ARHGAP28: variants seen among roughly 807,000 people sequenced by gnomAD.
The protein encoded by ARHGAP28 is rho GTPase-activating protein 28.
A neutral mutation model predicts 90.7 loss-of-function variants in ARHGAP28; 56 were observed. The ratio of observed to expected loss-of-function variants is 0.62; its 90% CI spans 0.50 to 0.77. ARHGAP28 has a LOEUF of 0.77. Among genes scored for constraint, ARHGAP28 ranks in the 30% least tolerant of loss-of-function variants. The probability of loss-of-function intolerance (pLI) is 0.00; values close to 1 mark genes in which losing one functional copy is unlikely to be tolerated. For missense variants in ARHGAP28, 869 were observed against 900.9 expected, an observed-to-expected ratio of 0.96 and a Z score of 0.45; for synonymous variants, 308 against 323.3, an observed-to-expected ratio of 0.95 and a Z score of 0.51.
chr18:6,890,485 T>C lies in ARHGAP28; in HGVS notation c.1790T>C (p.Leu597Ser), dbSNP rs1248202129. ...AGAATGAATGAAGCCACGATGCTAT[T>C]GAAGAAGCAGCTCCCAAGTGTCAGG... ...VRRMNEATMLLKKQLPSVRKL... is the reference protein window; with the variant it reads ...VRRMNEATMLSKKQLPSVRKL... Residue 597 changes from leucine (L) to serine (S), a missense_variant, in exon 14 of 18, where the codon TTG becomes TCG. Physicochemically the swap from Leu to Ser is moderately radical, Grantham distance 145. Coordinates refer to ENST00000383472, the MANE Select transcript of ARHGAP28 (RefSeq NM_001366230.1). 1 of 1,613,690 alleles carries C rather than the reference T, an allele frequency of 6.2e-7. No individual in the cohort carries two copies. The highest frequency in any genetic ancestry group is 8.5e-7 in the Non-Finnish European group (1 of 1,179,864).
Position 6,837,330 on chromosome 18 carries a change from C to T in ARHGAP28, c.459C>T (p.Tyr153=). The change falls in exon 3 of 18, where the codon TAC becomes TAT. Residue 153 remains tyrosine (Y), a synonymous_variant. Transcript: ENST00000383472. ...AAGCAGCTGCCGTGCAAAAGAGATA[C>T]CATACCTATACCCAAACCATGAGGA... is the stretch of plus-strand genomic sequence containing the variant. ...RTQAAAVQKR[Y]HTYTQTMRKK... 6.2e-7 allele frequency: 1 copy of T among 1,613,796 alleles called. No homozygotes were observed. Among genetic ancestry groups the T allele is most frequent in the Non-Finnish European group, 8.5e-7 (1 of 1,179,982 alleles).
At chr18:6,757,196 A>G (rs574654672) in intron 1 of ARHGAP28, among the ~76,000 whole-genome samples, 37 of 152,250 alleles carry the variant, frequency 2.4e-4, no homozygotes, top group African/African-American at 8.9e-4. Flanking sequence ...GGCAAACAGC[A>G]GTATTTTTTG....
Position 6,764,129 on chromosome 18 carries a change from A to C in ARHGAP28, c.122+34186A>C, listed in dbSNP as rs79642222. 6.2e-3 allele frequency among the ~76,000 whole-genome samples: 938 copies of C among 152,306 alleles called. 6 individuals carry two copies. Among genetic ancestry groups the C allele is most frequent in the Non-Finnish European group, 8.8e-3 (599 of 68,024 alleles). ...CATGAAAGAATGAGGTAATAATTTCAGTGAAATGAAGGGCAGTAGCTCAAT... is the reference window on the plus strand; with the variant it reads ...CATGAAAGAATGAGGTAATAATTTCCGTGAAATGAAGGGCAGTAGCTCAAT... On this transcript the variant is annotated intron_variant, in intron 1 of 17. Transcript: ENST00000383472.
chr18:6,832,268 G>A (rs2056722175), intron 2 of ARHGAP28, among the ~76,000 whole-genome samples: 1 of 151,700 alleles, frequency 6.6e-6, no homozygotes, highest in Admixed American at 6.6e-5. Context: ...ATTGTGTTAT[G>A]TAACATAGTT....
intron 17 of ARHGAP28, 50 bp downstream of exon 17, chr18:6,909,074 AAG>A: frequency 9.7e-7 from 1 of 1,028,028 alleles, no homozygotes; most frequent in Non-Finnish European, 1.5e-6. Flanking sequence ...ATTACTCTAA[AAG>A]AAATATGTTG....
At chr18:6,844,513 A>T (rs1468589350) in intron 3 of ARHGAP28, among the ~76,000 whole-genome samples, 6 of 152,230 alleles carry the variant, frequency 3.9e-5, no homozygotes, top group Non-Finnish European at 8.8e-5. Context: ...AGGTAATCAT[A>T]GCTATGGTTA....
chr18:6,804,606 T>C (rs934984950), intron 1 of ARHGAP28, among the ~76,000 whole-genome samples: 2 of 152,242 alleles, frequency 1.3e-5, no homozygotes, highest in African/African-American at 4.8e-5. Flanking sequence ...AATTTTGTTA[T>C]GGTACATTTT....
intron 3 of ARHGAP28, chr18:6,850,713 C>A (rs2056903199): frequency 2.8e-6 from 3 of 1,063,844 alleles, no homozygotes. Context: ...CACACTCAGT[C>A]TTTTTAGTTA....
At chr18:6,906,487 C>G (rs2057365460) in intron 16 of ARHGAP28, among the ~76,000 whole-genome samples, 1 of 152,136 alleles carries the variant, frequency 6.6e-6, no homozygotes, top group Non-Finnish European at 1.5e-5. Flanking sequence ...TTTGACTATT[C>G]CAGCAACTGA....
Position 6,912,882 on chromosome 18 carries a change from G to A in ARHGAP28, c.*728G>A, listed in dbSNP as rs998498172. 3.3e-5 allele frequency: 5 copies of A among 152,180 alleles called. No homozygotes were observed. Among genetic ancestry groups the A allele is most frequent in the African/African-American group, 1.2e-4 (5 of 41,446 alleles). The allele number at this position is 152,180 out of a possible 1,614,324, so 9.4% of individuals were successfully genotyped here. On this transcript the variant is annotated 3_prime_UTR_variant, in exon 18 of 18. Coordinates refer to ENST00000383472, the MANE Select transcript of ARHGAP28 (RefSeq NM_001366230.1). The stretch of plus-strand genomic sequence containing the variant: ...CTAGTGAAGCTTAGTTTGACAAAGG[G>A]TGTCATATGCTTTCCTAACCTGATT...
chr18:6,785,838 G>A (rs566578605), intron 1 of ARHGAP28, among the ~76,000 whole-genome samples: 1 of 152,312 alleles, frequency 6.6e-6, no homozygotes, highest in Non-Finnish European at 1.5e-5. Flanking sequence ...CATGAAATTA[G>A]TTGAGTTGGT....
At chr18:6,871,919 A>G (rs1171152795) in intron 7 of ARHGAP28, among the ~76,000 whole-genome samples, 1 of 152,180 alleles carries the variant, frequency 6.6e-6, no homozygotes, top group Non-Finnish European at 1.5e-5. Context: ...CGTCCATTTT[A>G]CAGCTGAGGA....
intron 3 of ARHGAP28, among the ~76,000 whole-genome samples, chr18:6,847,588 A>C (rs2056875554): frequency 6.6e-6 from 1 of 150,514 alleles, no homozygotes. Flanking sequence ...AGAAGATAAC[A>C]ATGTAGATAA....
intron 9 of ARHGAP28, chr18:6,874,791 T>C (rs1394038260): frequency 6.6e-6 from 1 of 152,026 alleles, no homozygotes; most frequent in African/African-American, 2.4e-5. Context: ...ACGGGCCCTC[T>C]GTGGGTGACT....
At chr18:6,820,493 T>A (rs930841087) in intron 1 of ARHGAP28, among the ~76,000 whole-genome samples, 17 of 152,076 alleles carry the variant, frequency 1.1e-4, no homozygotes, top group Admixed American at 2.0e-4. Context: ...ACAGAAGAAA[T>A]ATTGGAAGAG....
chr18:6,881,429 A>G (rs745526048), intron 10 of ARHGAP28, among the ~76,000 whole-genome samples: 2 of 152,228 alleles, frequency 1.3e-5, no homozygotes, highest in Non-Finnish European at 2.9e-5. Flanking sequence ...CTTTGAAAAG[A>G]AACATGAAGC....
In ARHGAP28 at chr18:6,751,319, A is replaced by C. The variant is rs372115689; in HGVS notation, c.122+21376A>C. On this transcript the variant is annotated intron_variant, in intron 1 of 17. Transcript: ENST00000383472. ...AATATTTTCCCTTTGTCAGATTTTT[A>C]TCTCTTGTAAAGAAAAAAAAAAAAT... 5.3e-5 allele frequency among the ~76,000 whole-genome samples: 8 copies of C among 151,760 alleles called. 2 individuals carry two copies. Among genetic ancestry groups the C allele is most frequent in the East Asian group, 1.9e-4 (1 of 5,172 alleles).
intron 1 of ARHGAP28, among the ~76,000 whole-genome samples, chr18:6,782,474 GT>G (rs2056331178): frequency 6.6e-6 from 1 of 151,712 alleles, no homozygotes; most frequent in African/African-American, 2.4e-5. Context: ...CTGGAGTGCA[GT>G]GGCACGATCT....
In ARHGAP28 at chr18:6,896,608, A is replaced by C. The variant is rs2057306719; in HGVS notation, c.2012A>C (p.Lys671Thr). The stretch of plus-strand genomic sequence containing the variant: ...ACCAAAGCCAAAGACATATTGGCAA[A>C]ATTTCAATATGAAAACAGGTGAGTC... ...NQTKAKDILA[K>T]FQYENSHGSS... is the part of the protein sequence containing the mutation. Residue 671 changes from lysine (K) to threonine (T), a missense_variant, in exon 16 of 18, where the codon AAA becomes ACA. Transcript: ENST00000383472. 6.2e-7 allele frequency: 1 copy of C among 1,614,128 alleles called. No homozygotes were observed. The highest frequency in any genetic ancestry group is 1.3e-5 in the African/African-American group (1 of 75,068).
Sources: allele counts gnomAD v4.1 joint callset (sites outside exome capture counted in the v4.1 genomes callset), GRCh38; gene constraint gnomAD v4.1.1; transcripts MANE v1.5; gene names NCBI Gene and HGNC (gene_info 2026-07-23, HGNC 2026-07-21).